CPVL: variants seen among roughly 807,000 people sequenced by gnomAD.
CPVL encodes the protein probable serine carboxypeptidase CPVL.
A neutral mutation model predicts 63.7 loss-of-function variants in CPVL; 51 were observed. That is an observed-to-expected ratio of 0.80 (90% confidence interval 0.64 to 1.01). The LOEUF is 1.01. CPVL is among the 50% of genes least tolerant of loss of function. CPVL has a pLI of 0.00. For synonymous variants in CPVL, 195 were observed against 206.0 expected (o/e 0.95, Z 0.46); for missense variants, 530 against 573.1 (o/e 0.92, Z 0.77).
At chr7:29,144,087 A>C (rs1199837828) in intron 1 of CPVL, among the ~76,000 whole-genome samples, 1 of 152,226 alleles carries the variant, frequency 6.6e-6, no homozygotes, top group African/African-American at 2.4e-5. Flanking sequence ...CCTCTCTCAC[A>C]AGTCAATATA....
At chr7:29,082,860 A>G (rs879755569) in intron 7 of CPVL, among the ~76,000 whole-genome samples, 2 of 152,224 alleles carry the variant, frequency 1.3e-5, no homozygotes, top group Non-Finnish European at 2.9e-5. Context: ...CATCAACATC[A>G]TGGTTAACAA....
At chr7:29,034,853 G>GAAAAAAAAAAAA (rs60558791) in intron 11 of CPVL, among the ~76,000 whole-genome samples, 1 of 123,974 alleles carries the variant, frequency 8.1e-6, no homozygotes, top group African/African-American at 3.0e-5. Context: ...TTTTATAATG[G>GAAAAAAAAAAAA]AAAAAAAAAA....
chr7:29,053,104 G>A (rs553303763), intron 11 of CPVL, among the ~76,000 whole-genome samples: 2 of 152,180 alleles, frequency 1.3e-5, no homozygotes, highest in South Asian at 4.2e-4. Context: ...AGCCCAATGA[G>A]ATAGCACTTT....
At chr7:29,111,517 C>G (rs771502107) in intron 3 of CPVL, among the ~76,000 whole-genome samples, 1 of 152,202 alleles carries the variant, frequency 6.6e-6, no homozygotes, top group Non-Finnish European at 1.5e-5. Context: ...ACAACACTGA[C>G]GAAGAAATAA....
chr7:29,086,006 T>C (rs545836224), intron 7 of CPVL, among the ~76,000 whole-genome samples: 58 of 152,234 alleles, frequency 3.8e-4, no homozygotes, highest in Admixed American at 8.5e-4. Context: ...AAAAATGTTA[T>C]GAAAGGGCTG....
At chr7:29,179,353 CCA>C (rs2087856951) in intron 5 of CPVL, among the ~76,000 whole-genome samples, 1 of 152,212 alleles carries the variant, frequency 6.6e-6, no homozygotes, top group South Asian at 2.1e-4. Flanking sequence ...GCCTTCCTTC[CCA>C]CACAGTGTCA....
intron 5 of CPVL, among the ~76,000 whole-genome samples, chr7:29,166,638 A>G (rs574587690): frequency 6.6e-6 from 1 of 152,210 alleles, no homozygotes; most frequent in Admixed American, 6.5e-5. Context: ...AAGTTGTCAA[A>G]TATTATGGCA....
At chr7:29,194,867 A>G in intron 1 of CPVL, 1 of 1,309,184 alleles carries the variant, frequency 7.6e-7, no homozygotes, top group Non-Finnish European at 9.8e-7. Context: ...GGAGGCTGCG[A>G]GCGGCCGGGC....
chr7:29,080,557 CAAAA>C (rs138264408), intron 7 of CPVL, among the ~76,000 whole-genome samples: 7 of 103,186 alleles, frequency 6.8e-5, no homozygotes, highest in Non-Finnish European at 4.0e-5. Flanking sequence ...CACTTTGTCT[CAAAA>C]AAAAAAAAAA....
At chr7:29,128,932 GGTACA>G (rs979170152) in intron 1 of CPVL, among the ~76,000 whole-genome samples, 4 of 152,000 alleles carry the variant, frequency 2.6e-5, no homozygotes, top group Non-Finnish European at 5.9e-5. Context: ...GGGAGGGAGT[GGTACA>G]CAATGAGGCT....
intron 1 of CPVL, among the ~76,000 whole-genome samples, chr7:29,141,658 T>C (rs1042160918): frequency 2.0e-5 from 3 of 152,152 alleles, no homozygotes; most frequent in African/African-American, 7.2e-5. Flanking sequence ...GGCTCACGCC[T>C]GTAATCCCAG....
intron 11 of CPVL, among the ~76,000 whole-genome samples, chr7:29,047,314 T>A (rs1297987742): frequency 1.3e-5 from 2 of 151,972 alleles, no homozygotes; most frequent in Non-Finnish European, 2.9e-5. Flanking sequence ...ATACAAGAAG[T>A]CAAGGGAAAT....
chr7:29,020,499 T>C (rs549565320), intron 12 of CPVL, among the ~76,000 whole-genome samples: 1 of 152,246 alleles, frequency 6.6e-6, no homozygotes, highest in Non-Finnish European at 1.5e-5. Flanking sequence ...ATAATAAAAA[T>C]AAAAATAGCA....
chr7:29,004,112 A>G (rs965323275), intron 12 of CPVL, among the ~76,000 whole-genome samples: 1 of 152,244 alleles, frequency 6.6e-6, no homozygotes, highest in Non-Finnish European at 1.5e-5. Context: ...CTCTACATAA[A>G]CATAAAGGAT....
At chr7:29,031,751 A>G (rs1225495496) in intron 11 of CPVL, among the ~76,000 whole-genome samples, 4 of 152,178 alleles carry the variant, frequency 2.6e-5, no homozygotes, top group Admixed American at 2.0e-4. Flanking sequence ...TTGAGTAGGT[A>G]AATGCACAAC....
intron 11 of CPVL, among the ~76,000 whole-genome samples, chr7:29,039,015 T>C (rs1788810774): frequency 6.6e-6 from 1 of 152,236 alleles, no homozygotes. Flanking sequence ...CTGTGACCCC[T>C]GTCTTTCAAA....
intron 5 of CPVL, among the ~76,000 whole-genome samples, chr7:29,172,962 T>G (rs1406717379): frequency 6.6e-6 from 1 of 151,656 alleles, no homozygotes; most frequent in African/African-American, 2.4e-5. Flanking sequence ...AAAAACCTGT[T>G]TCTACTAAAA....
chr7:29,170,326 A>G (rs1268636934), intron 5 of CPVL, among the ~76,000 whole-genome samples: 1 of 152,184 alleles, frequency 6.6e-6, no homozygotes. Flanking sequence ...ATCTTCAAAC[A>G]CAAGATTTTA....
intron 12 of CPVL, chr7:29,010,818 A>G (rs1303918273): frequency 6.6e-6 from 1 of 152,212 alleles, no homozygotes; most frequent in Non-Finnish European, 1.5e-5. Context: ...CAAGTAATTT[A>G]TAAGCATTAT....
Sources: allele counts gnomAD v4.1 joint callset (sites outside exome capture counted in the v4.1 genomes callset), GRCh38; gene constraint gnomAD v4.1.1; transcripts MANE v1.5; gene names NCBI Gene and HGNC (gene_info 2026-07-23, HGNC 2026-07-21).